TMEM178B: variants seen among roughly 807,000 people sequenced by gnomAD.
TMEM178B encodes the protein transmembrane protein 178B.
In TMEM178B, 5 loss-of-function variants were observed where a neutral mutation model predicts 31.0. The observed-to-expected ratio is 0.16, with a 90% CI of 0.08 to 0.34. The LOEUF is 0.34. Ranked by LOEUF, TMEM178B falls within the 10% of genes least tolerant of loss-of-function variation. TMEM178B has a pLI of 1.00. For missense variants in TMEM178B, 275 were observed against 400.3 expected, an observed-to-expected ratio of 0.69 and a Z score of 2.67; for synonymous variants, 164 against 164.0, an observed-to-expected ratio of 1.00 and a Z score of 0.00.
intron 1 of TMEM178B, among the ~76,000 whole-genome samples, chr7:141,161,049 G>T (rs1233137629): frequency 6.6e-6 from 1 of 152,122 alleles, no homozygotes; most frequent in Non-Finnish European, 1.5e-5. Context: ...TAGAGATGGG[G>T]TTTCACCACG....
At chr7:141,340,553 A>T (rs1296263238) in intron 2 of TMEM178B, among the ~76,000 whole-genome samples, 1 of 152,232 alleles carries the variant, frequency 6.6e-6, no homozygotes. Context: ...AAAGTCGCCT[A>T]TATCAAGAGA....
chr7:141,335,630 T>C (rs182752374), intron 2 of TMEM178B, among the ~76,000 whole-genome samples: 1 of 152,178 alleles, frequency 6.6e-6, no homozygotes, highest in East Asian at 1.9e-4. Flanking sequence ...GGGATTACTA[T>C]TTTCCCCCCT....
At chr7:141,326,445 A>G (rs960139457) in intron 2 of TMEM178B, among the ~76,000 whole-genome samples, 1 of 152,210 alleles carries the variant, frequency 6.6e-6, no homozygotes, top group African/African-American at 2.4e-5. Flanking sequence ...AGATACTGGT[A>G]TGTGATGGAC....
chr7:141,507,434 A>G, the TMEM178B span, among the ~76,000 whole-genome samples: 1 of 152,062 alleles, frequency 6.6e-6, no homozygotes, highest in African/African-American at 2.4e-5. Flanking sequence ...GGGCAGTGGC[A>G]CGATCTTGGC....
At chr7:141,407,080 G>T (rs1187870312) in intron 2 of TMEM178B, among the ~76,000 whole-genome samples, 1 of 152,216 alleles carries the variant, frequency 6.6e-6, no homozygotes, top group Non-Finnish European at 1.5e-5. Flanking sequence ...AATACCTATT[G>T]CTTCCTATAT....
chr7:141,155,749 T>C (rs555005698), intron 1 of TMEM178B, among the ~76,000 whole-genome samples: 1 of 152,272 alleles, frequency 6.6e-6, no homozygotes, highest in African/African-American at 2.4e-5. Flanking sequence ...ACTTGGGGCA[T>C]GAGTCCTGGC....
At chr7:141,325,428 A>G (rs1229815354) in intron 2 of TMEM178B, among the ~76,000 whole-genome samples, 2 of 152,078 alleles carry the variant, frequency 1.3e-5, no homozygotes, top group Non-Finnish European at 2.9e-5. Flanking sequence ...GCCTACCCAC[A>G]ACAAGGGTAT....
intron 1 of TMEM178B, among the ~76,000 whole-genome samples, chr7:141,184,746 C>G (rs766008835): frequency 6.6e-6 from 1 of 152,150 alleles, no homozygotes; most frequent in South Asian, 2.1e-4. Context: ...TTGGAATCCC[C>G]CTCTCCTCAC....
the TMEM178B span, among the ~76,000 whole-genome samples, chr7:141,503,507 T>C: frequency 6.6e-6 from 1 of 152,212 alleles, no homozygotes; most frequent in Admixed American, 6.5e-5. Flanking sequence ...GTCAACTCAA[T>C]GTACTTGTTC....
chr7:141,301,833 C>A (rs1297129091), intron 2 of TMEM178B, among the ~76,000 whole-genome samples: 1 of 152,178 alleles, frequency 6.6e-6, no homozygotes, highest in African/African-American at 2.4e-5. Flanking sequence ...GGGCCCTCAT[C>A]CCACAGAGAA....
At chr7:141,493,195 A>G in the TMEM178B span, among the ~76,000 whole-genome samples, 2 of 152,006 alleles carry the variant, frequency 1.3e-5, no homozygotes, top group Admixed American at 6.6e-5. Context: ...TCCCCTCCGC[A>G]GTCTCTCCCC....
chr7:141,168,654 C>G (rs1796298967), intron 1 of TMEM178B, among the ~76,000 whole-genome samples: 2 of 152,104 alleles, frequency 1.3e-5, no homozygotes, highest in South Asian at 4.2e-4. Flanking sequence ...CCTCTAATCC[C>G]AGCTACTTGG....
intron 2 of TMEM178B, among the ~76,000 whole-genome samples, chr7:141,390,094 C>T (rs1800507143): frequency 6.6e-6 from 1 of 151,980 alleles, no homozygotes; most frequent in Non-Finnish European, 1.5e-5. Flanking sequence ...CATTTCCTCT[C>T]AGGTTAAAAT....
chr7:141,268,614 T>C (rs73167498), intron 2 of TMEM178B, among the ~76,000 whole-genome samples: 7,359 of 152,300 alleles, frequency 0.048, 294 homozygotes, highest in East Asian at 0.13. Context: ...GCCCAAACTG[T>C]TGCACCCAGA....
At chr7:141,306,289 C>T (rs1798814700) in intron 2 of TMEM178B, among the ~76,000 whole-genome samples, 1 of 152,128 alleles carries the variant, frequency 6.6e-6, no homozygotes, top group Admixed American at 6.6e-5. Context: ...ATTGTCTGTG[C>T]TCTTTAAAAG....
chr7:141,336,097 G>A (rs1799381720), intron 2 of TMEM178B, among the ~76,000 whole-genome samples: 1 of 152,174 alleles, frequency 6.6e-6, no homozygotes, highest in South Asian at 2.1e-4. Flanking sequence ...GGGCAGACTT[G>A]GAGAGTCGCT....
rs1563157579 is a variant in TMEM178B, at chr7:141,344,833, C to T, written c.497-92775C>T. On this transcript the variant is annotated intron_variant, in intron 2 of 3. Transcript: ENST00000565468. The surrounding 1 kb of genome is among the most constrained non-coding windows in gnomAD (Gnocchi z 4.1). ...AACGAGCTGTCTGTTAACTGTGGCT[C>T]TGCCACCGGCTGGCTGTGGAAGCTG... Among the ~76,000 whole-genome samples, 2 of 152,176 alleles carry T rather than the reference C, an allele frequency of 1.3e-5. No individual in the cohort carries two copies. Among genetic ancestry groups the T allele is most frequent in the South Asian group, 2.1e-4 (1 of 4,826 alleles).
intron 2 of TMEM178B, among the ~76,000 whole-genome samples, chr7:141,263,329 G>A (rs1245220279): frequency 6.6e-6 from 1 of 152,150 alleles, no homozygotes; most frequent in African/African-American, 2.4e-5. Context: ...TGGAATAGTG[G>A]CGATAACATT....
At chr7:141,332,333 G>A (rs1440524675) in intron 2 of TMEM178B, among the ~76,000 whole-genome samples, 1 of 152,006 alleles carries the variant, frequency 6.6e-6, no homozygotes, top group East Asian at 1.9e-4. Flanking sequence ...AGCCTCCGTC[G>A]GCTCACTACC....
Sources: gnomAD v4.1 joint callset for allele counts (sites outside exome capture counted in the v4.1 genomes callset) on GRCh38, gnomAD v4.1.1 for gene constraint, Gnocchi (gnomAD v3.1) non-coding constraint, MANE v1.5 for transcripts, NCBI Gene and HGNC (gene_info 2026-07-23, HGNC 2026-07-21) for gene names.